Variants in HDAC9 observed in about 807,000 individuals in gnomAD.
HDAC9 encodes the protein histone deacetylase 9.
HDAC9 carries 41 observed loss-of-function variants against 139.4 expected under a neutral mutation model. The ratio of observed to expected loss-of-function variants is 0.29; its 90% CI spans 0.23 to 0.38. The LOEUF is 0.38. Among genes scored for constraint, HDAC9 ranks in the 10% least tolerant of loss-of-function variants. HDAC9 has a pLI of 1.00. For synonymous variants in HDAC9, 517 were observed against 476.2 expected (o/e 1.09, Z -1.12); for missense variants, 1,147 against 1,297.0 (o/e 0.88, Z 1.78).
intron 2 of HDAC9, among the ~76,000 whole-genome samples, chr7:18,190,163 C>T (rs1472340219): frequency 6.6e-6 from 1 of 152,022 alleles, no homozygotes; most frequent in Non-Finnish European, 1.5e-5. Context: ...AGGCTGGTCT[C>T]AAAACTCCTG....
At chr7:18,259,297 G>C (rs1795488666) in intron 2 of HDAC9, among the ~76,000 whole-genome samples, 1 of 151,994 alleles carries the variant, frequency 6.6e-6, no homozygotes, top group South Asian at 2.1e-4. Flanking sequence ...AAAATAAACA[G>C]TGCCATGATT....
intron 1 of HDAC9, among the ~76,000 whole-genome samples, chr7:18,136,190 A>C (rs1170443615): frequency 8.9e-5 from 13 of 145,652 alleles, no homozygotes; most frequent in South Asian, 2.2e-4. Flanking sequence ...TTCATTGTAG[A>C]TTCTGGATAT....
intron 16 of HDAC9, among the ~76,000 whole-genome samples, chr7:18,770,852 C>G (rs959406753): frequency 6.6e-6 from 1 of 152,114 alleles, no homozygotes; most frequent in Non-Finnish European, 1.5e-5. Context: ...CTGGGGTTTA[C>G]AGGACCAGAT....
chr7:18,296,669 A>C (rs2915399), intron 1 of HDAC9, among the ~76,000 whole-genome samples: 95,798 of 152,050 alleles, frequency 0.63, 31,126 homozygotes, highest in African/African-American at 0.8. Flanking sequence ...GATGGATTGG[A>C]AAGGAGAGCC....
chr7:18,771,537 A>ATGTG (rs144486840), intron 16 of HDAC9, among the ~76,000 whole-genome samples: 168 of 146,550 alleles, frequency 1.1e-3, no homozygotes, highest in African/African-American at 3.3e-3. Flanking sequence ...ATTTACAGAT[A>ATGTG]TGTGTGTGTG....
intron 22 of HDAC9, among the ~76,000 whole-genome samples, chr7:18,930,943 CTG>C (rs1804687130): frequency 2.0e-5 from 3 of 152,064 alleles, no homozygotes; most frequent in Admixed American, 6.6e-5. Flanking sequence ...TTGGATCGCT[CTG>C]TCTCTTTCTT....
chr7:18,734,634 C>T (rs1316991865), intron 13 of HDAC9, among the ~76,000 whole-genome samples: 3 of 152,180 alleles, frequency 2.0e-5, no homozygotes, highest in East Asian at 1.9e-4. Flanking sequence ...TCCAGTCTAT[C>T]GTTGATGGAC....
intron 22 of HDAC9, among the ~76,000 whole-genome samples, chr7:18,890,338 C>G (rs928232886): frequency 1.3e-5 from 2 of 152,154 alleles, no homozygotes; most frequent in African/African-American, 4.8e-5. Context: ...ATGCTTCAAA[C>G]CACCTAACAG....
At chr7:18,909,469 T>A (rs1366780709) in intron 22 of HDAC9, among the ~76,000 whole-genome samples, 1 of 151,964 alleles carries the variant, frequency 6.6e-6, no homozygotes, top group Non-Finnish European at 1.5e-5. Flanking sequence ...CTTGCCCAGC[T>A]GAATGTCCCA....
Position 18,973,212 on chromosome 7 carries a change from G to A in HDAC9, c.3023-2594G>A, listed in dbSNP as rs991468201. On this transcript the variant is annotated intron_variant, in intron 24 of 25. Coordinates refer to ENST00000686413, the MANE Select transcript of HDAC9 (RefSeq NM_178425.4). ...CGAGCACAGTCTTGGCACATATTTA[G>A]TTCTCAATAATGCTAGTTTGTCTTT... is the stretch of plus-strand genomic sequence containing the variant. Among the ~76,000 whole-genome samples the A allele has an allele frequency of 2.0e-5, 3 of 152,110 alleles. No individual in the cohort carries two copies. In the East Asian group the frequency reaches 5.8e-4, roughly 29 times the overall value.
At chr7:18,478,259 G>T (rs1795279783) in intron 1 of HDAC9, among the ~76,000 whole-genome samples, 1 of 152,118 alleles carries the variant, frequency 6.6e-6, no homozygotes, top group Admixed American at 6.5e-5. Flanking sequence ...TTTTAGTAGA[G>T]ATGGGGTTTC....
intron 21 of HDAC9, among the ~76,000 whole-genome samples, chr7:18,848,032 C>T (rs1478217461): frequency 6.6e-6 from 1 of 152,136 alleles, no homozygotes; most frequent in East Asian, 1.9e-4. Context: ...ATCCTGCTAA[C>T]CATTTATCCA....
intron 2 of HDAC9, among the ~76,000 whole-genome samples, chr7:18,573,880 C>A (rs1255042758): frequency 6.6e-6 from 1 of 152,220 alleles, no homozygotes; most frequent in Non-Finnish European, 1.5e-5. Flanking sequence ...TGGGCCTGGG[C>A]TCCCCAAAGG....
At chr7:18,792,088 C>T (rs921963589) in intron 16 of HDAC9, among the ~76,000 whole-genome samples, 1 of 151,938 alleles carries the variant, frequency 6.6e-6, no homozygotes, top group Non-Finnish European at 1.5e-5. Flanking sequence ...TTACTGTTCT[C>T]ATTTATTATT....
intron 1 of HDAC9, among the ~76,000 whole-genome samples, chr7:18,092,027 A>G (rs1485147909): frequency 1.3e-5 from 2 of 152,192 alleles, no homozygotes; most frequent in Non-Finnish European, 2.9e-5. Context: ...ACATCAGGCT[A>G]TACAAGGGCA....
At chr7:18,943,835 T>C (rs1782187099) in intron 23 of HDAC9, among the ~76,000 whole-genome samples, 1 of 152,128 alleles carries the variant, frequency 6.6e-6, no homozygotes, top group South Asian at 2.1e-4. Flanking sequence ...TATTTCTTTA[T>C]TGCTGTGTTG....
chr7:18,884,889 T>C (rs1800015813), intron 22 of HDAC9, among the ~76,000 whole-genome samples: 1 of 152,182 alleles, frequency 6.6e-6, no homozygotes, highest in African/African-American at 2.4e-5. Flanking sequence ...TCTCCTCCTC[T>C]CTTTACTGTT....
intron 24 of HDAC9, among the ~76,000 whole-genome samples, chr7:18,959,772 C>T (rs1241785277): frequency 6.6e-6 from 1 of 152,092 alleles, no homozygotes; most frequent in Non-Finnish European, 1.5e-5. Flanking sequence ...CCCTGTAGCC[C>T]CACTTTCACT....
At chr7:18,640,923 A>G (rs1785400319) in intron 8 of HDAC9, among the ~76,000 whole-genome samples, 1 of 152,076 alleles carries the variant, frequency 6.6e-6, no homozygotes, top group South Asian at 2.1e-4. Context: ...CGAAGTTAGA[A>G]TTCCCAGCAA....
Sources: gnomAD v4.1 joint callset for allele counts (sites outside exome capture counted in the v4.1 genomes callset) on GRCh38, gnomAD v4.1.1 for gene constraint, MANE v1.5 for transcripts, NCBI Gene and HGNC (gene_info 2026-07-23, HGNC 2026-07-21) for gene names.